The following EED variants were observed in gnomAD, a reference collection of about 807,000 sequenced individuals.
EED encodes embryonic ectoderm development.
EED carries 9 observed loss-of-function variants against 61.0 expected under a neutral mutation model. The observed-to-expected ratio is 0.15, with a 90% CI of 0.09 to 0.26. The LOEUF (loss-of-function observed/expected upper bound fraction) is 0.26, where lower values mean the gene tolerates loss of function less well. EED is among the 10% of genes least tolerant of loss of function. EED has a pLI of 1.00. For missense variants in EED, 315 were observed against 542.3 expected, an observed-to-expected ratio of 0.58 and a Z score of 4.16; for synonymous variants, 187 against 174.4, an observed-to-expected ratio of 1.07 and a Z score of -0.57.
chr11:86,262,673 G>A (rs117126772), intron 6 of EED, among the ~76,000 whole-genome samples: 3,614 of 151,950 alleles, frequency 0.024, 151 homozygotes, highest in East Asian at 0.13. Context: ...ACCACACCCC[G>A]CTAGTTTTTG....
chr11:86,264,111 A>C, intron 6 of EED, 61 bp from the exon 7 acceptor site: 1 of 1,336,390 alleles, frequency 7.5e-7, no homozygotes, highest in Non-Finnish European at 1.1e-6. Flanking sequence ...TTCTTTCACA[A>C]GATGTTGAAA....
At position 86,278,800 on chromosome 11, in the gene EED, T is replaced by G. The variant is rs1336288252; in HGVS notation, c.*275T>G. The stretch of plus-strand genomic sequence containing the variant: ...AAGTTAAAAGTAATAAAATTATGCC[T>G]TATCTTTTTATAATGGTTGTTTTTT... On this transcript the variant is annotated 3_prime_UTR_variant, in exon 12 of 12. Transcript: ENST00000263360. 1.4e-5 allele frequency: 4 copies of G among 279,428 alleles called. No homozygotes were observed. The highest frequency in any genetic ancestry group is 2.0e-5 in the Non-Finnish European group (3 of 150,882). 17.3% of individuals were successfully genotyped at this position (279,428 alleles called of 1,614,324 possible). A position where few individuals can be genotyped will look rare whatever the true frequency, so the allele number is the denominator to read the frequency against.
At chr11:86,287,045 A>C in the EED span, among the ~76,000 whole-genome samples, 2 of 151,224 alleles carry the variant, frequency 1.3e-5, no homozygotes, top group South Asian at 4.2e-4. Flanking sequence ...AGAAAGTCCC[A>C]TGAAACAATA....
chr11:86,265,962 C>G (rs1755976192), intron 7 of EED, 121 bp from the exon 8 acceptor site: 1 of 817,678 alleles, frequency 1.2e-6, no homozygotes, highest in Non-Finnish European at 1.8e-6. Flanking sequence ...AGATGAAACC[C>G]AAAATGTAGT....
chr11:86,266,831 T>A (rs151144300), intron 8 of EED, among the ~76,000 whole-genome samples: 28 of 152,316 alleles, frequency 1.8e-4, no homozygotes, highest in African/African-American at 6.3e-4. Flanking sequence ...AGGCTGTCAT[T>A]AACACTTTCA....
intron 9 of EED, among the ~76,000 whole-genome samples, chr11:86,268,858 T>C (rs932790194): frequency 6.6e-6 from 1 of 152,186 alleles, no homozygotes; most frequent in Non-Finnish European, 1.5e-5. Context: ...AGATAACCAG[T>C]AACTAAAGCC....
rs1240504562 is a variant in EED, at chr11:86,250,345, C to T, written c.164C>T (p.Thr55Ile). ...ESGTNTERPD[T>I]PTNTPNAPGR... is the part of the protein sequence containing the mutation. ...GGTACAAACACTGAACGCCCTGATA[C>T]ACCTACAAACACGCCAAATGCACCT... is the stretch of plus-strand genomic sequence containing the variant. Residue 55 changes from threonine (T) to isoleucine (I), a missense_variant, in exon 2 of 12, where the codon ACA becomes ATA. Thr to Ile is a moderately conservative substitution (Grantham distance 89). Transcript: ENST00000263360. 2 of 1,607,336 alleles carry T rather than the reference C, an allele frequency of 1.2e-6. No homozygotes were observed. The highest frequency in any genetic ancestry group is 2.3e-5 in the East Asian group (1 of 44,180).
chr11:86,271,527 C>T (rs1946111648), intron 9 of EED, among the ~76,000 whole-genome samples: 1 of 152,142 alleles, frequency 6.6e-6, no homozygotes, highest in Non-Finnish European at 1.5e-5. Flanking sequence ...GGTGAACTTT[C>T]AGTCCTGTGT....
intron 4 of EED, 147 bp from the exon 5 acceptor site, chr11:86,256,240 A>T: frequency 1.5e-6 from 1 of 672,726 alleles, no homozygotes; most frequent in Non-Finnish European, 2.2e-6. Flanking sequence ...TTAGACCTCA[A>T]ATCACCATTG....
Position 86,278,607 on chromosome 11 carries a change from T to G in EED, c.*82T>G, listed in dbSNP as rs533003424. 473 of 1,523,386 alleles carry G rather than the reference T, an allele frequency of 3.1e-4. 5 individuals are homozygous for G. In the South Asian group the frequency reaches 5.5e-3, roughly 18 times the overall value. 94.4% of individuals were successfully genotyped at this position (1,523,386 alleles called of 1,614,324 possible). A position where few individuals can be genotyped will look rare whatever the true frequency, so the allele number is the denominator to read the frequency against. ...AATGTATCTTGCTAGTAAGGGCACG[T>G]AGAGCATTTAGAGTTGTCTTTCAGC... On this transcript the variant is annotated 3_prime_UTR_variant, in exon 12 of 12. Coordinates refer to ENST00000263360, the MANE Select transcript of EED (RefSeq NM_003797.5).
the EED span, chr11:86,284,312 G>T: frequency 6.6e-6 from 1 of 152,204 alleles, no homozygotes; most frequent in Non-Finnish European, 1.5e-5. Context: ...ATAGTGTAGG[G>T]CCTGACACGA....
chr11:86,263,388 A>G (rs1450105469), intron 6 of EED, among the ~76,000 whole-genome samples: 3 of 152,094 alleles, frequency 2.0e-5, no homozygotes, highest in Admixed American at 6.6e-5. Flanking sequence ...CCCAGTTCCA[A>G]AGTCATTTCC....
At chr11:86,262,369 T>C (rs1945855034) in intron 6 of EED, among the ~76,000 whole-genome samples, 1 of 152,272 alleles carries the variant, frequency 6.6e-6, no homozygotes, top group Non-Finnish European at 1.5e-5. Context: ...GATTCATTGC[T>C]CTTAACTTCT....
At chr11:86,270,085 T>G in intron 9 of EED, 1 of 699,074 alleles carries the variant, frequency 1.4e-6, no homozygotes, top group Non-Finnish European at 2.6e-6. Context: ...TTTTCCAGAG[T>G]GGCCGTGCCA....
Position 86,270,355 on chromosome 11 carries a change from GTTT to G in EED, c.966+1808_966+1810del, listed in dbSNP as rs55640335. Reference sequence around the variant, plus strand: ...TCTAATTGGATTGGTTTTTTGTTGTGTTTTTTTTTTTTTTTTAACTGTTGAGTT... The same window carrying G: ...TCTAATTGGATTGGTTTTTTGTTGTGTTTTTTTTTTTTTAACTGTTGAGTT... On this transcript the variant is annotated intron_variant, in intron 9 of 11. Coordinates refer to ENST00000263360, the MANE Select transcript of EED (RefSeq NM_003797.5). 6.2e-3 allele frequency among the ~76,000 whole-genome samples: 795 copies of G among 128,554 alleles called. 3 individuals carry two copies. Among genetic ancestry groups the G allele is most frequent in the Non-Finnish European group, 9.5e-3 (579 of 60,866 alleles). 84.3% of individuals were successfully genotyped at this position (128,554 alleles called of 152,430 possible).
downstream of EED, among the ~76,000 whole-genome samples, chr11:86,279,950 G>A (rs1028136616): frequency 6.6e-6 from 1 of 152,148 alleles, no homozygotes; most frequent in Admixed American, 6.5e-5. Context: ...TATCCTTTTA[G>A]CAAAATGAGA....
intron 3 of EED, among the ~76,000 whole-genome samples, chr11:86,253,018 G>A (rs940843967): frequency 1.3e-5 from 2 of 152,082 alleles, no homozygotes; most frequent in Non-Finnish European, 1.5e-5. Flanking sequence ...AAAGAGCTGG[G>A]GTTGCAGTCA....
intron 9 of EED, among the ~76,000 whole-genome samples, chr11:86,275,075 T>C (rs1466480504): frequency 1.3e-5 from 2 of 152,158 alleles, no homozygotes; most frequent in Non-Finnish European, 2.9e-5. Context: ...CATTTGTGAG[T>C]TGCTGCCTTC....
chr11:86,275,231 T>C (rs1286020304), intron 9 of EED, among the ~76,000 whole-genome samples: 1 of 152,220 alleles, frequency 6.6e-6, no homozygotes, highest in Non-Finnish European at 1.5e-5. Context: ...ACTCCGACTT[T>C]TAAGTGGACT....
Sources: allele counts gnomAD v4.1 joint callset (sites outside exome capture counted in the v4.1 genomes callset), GRCh38; gene constraint gnomAD v4.1.1; transcripts MANE v1.5; gene names NCBI Gene and HGNC (gene_info 2026-07-23, HGNC 2026-07-21).